The following OC90 variants were observed in gnomAD, a reference collection of about 807,000 sequenced individuals.
OC90 encodes the protein otoconin-90.
A neutral mutation model predicts 47.3 loss-of-function variants in OC90; 46 were observed. The ratio of observed to expected loss-of-function variants is 0.97; its 90% confidence interval spans 0.77 to 1.24. OC90 has a LOEUF of 1.24. Ranked by LOEUF, OC90 falls within the 50% of genes most tolerant of loss-of-function variation. The pLI, the probability that OC90 is intolerant of heterozygous loss-of-function variation, is 0.00. For missense variants in OC90, 688 were observed against 583.9 expected (o/e 1.18, Z -1.84); for synonymous variants, 271 against 219.5 (o/e 1.23, Z -2.07).
chr8:132,053,080 C>T (rs576126209), intron 2 of OC90, among the ~76,000 whole-genome samples: 1 of 152,208 alleles, frequency 6.6e-6, no homozygotes, highest in Admixed American at 6.5e-5. Context: ...GCCTGGGATG[C>T]CTTCCCCTTG....
chr8:132,036,672 G>C (rs1239185767), intron 9 of OC90, among the ~76,000 whole-genome samples: 4 of 152,234 alleles, frequency 2.6e-5, no homozygotes, highest in South Asian at 4.1e-4. Flanking sequence ...ATTTCCCTGA[G>C]GTTTGGAACA....
At chr8:132,028,284 A>T (rs1286189919) in intron 13 of OC90, among the ~76,000 whole-genome samples, 2 of 152,046 alleles carry the variant, frequency 1.3e-5, no homozygotes, top group Non-Finnish European at 2.9e-5. Context: ...TGGGCAGATC[A>T]CAAGGTCAGG....
chr8:132,049,015 C>T (rs1039046344), intron 2 of OC90, among the ~76,000 whole-genome samples: 3 of 151,476 alleles, frequency 2.0e-5, no homozygotes, highest in Non-Finnish European at 2.9e-5. Flanking sequence ...TGAATTTGCT[C>T]CCCAAGATAA....
chr8:132,028,990 G>A lies in OC90; in HGVS notation c.1138+83C>T, dbSNP rs1443721286. On this transcript the variant is annotated intron_variant, in intron 13 of 13. Transcript: ENST00000254627. ...GTATTAAGTCACAGTTAAGTGCTTG[G>A]GAAACCATCCACAAGTCTGAGCTAC... The A allele has an allele frequency of 1.1e-5, 10 of 927,484 alleles. No homozygotes were observed. In the African/African-American group the frequency reaches 1.6e-4, roughly 15 times the overall value. The allele number at this position is 927,484 out of a possible 1,614,324, so 57.5% of individuals were successfully genotyped here.
chr8:132,029,971 C>CTT (rs1224352789), intron 12 of OC90, among the ~76,000 whole-genome samples: 1 of 152,192 alleles, frequency 6.6e-6, no homozygotes, highest in Admixed American at 6.5e-5. Flanking sequence ...GTCGTAGGCT[C>CTT]TTGTGGCTTT....
intron 2 of OC90, among the ~76,000 whole-genome samples, chr8:132,053,465 A>C (rs1381138862): frequency 2.0e-5 from 3 of 152,234 alleles, no homozygotes; most frequent in Admixed American, 2.0e-4. Flanking sequence ...GGCCTGCTAG[A>C]ATCAGAGAAT....
At position 132,055,076 on chromosome 8, in the gene OC90, G is replaced by C. The variant is rs1823264222; in HGVS notation, c.-47-3C>G. On this transcript the variant is annotated splice_region_variant and splice_polypyrimidine_tract_variant and intron_variant, in intron 1 of 13. Coordinates refer to ENST00000254627, the MANE Select transcript of OC90 (RefSeq NM_001080399.3). Reference sequence around the variant, plus strand: ...TAGGCAGCAACTGGAACGGACTCCTGGGAGAGAAGCCAGCAGAATAGGATG... The same window carrying C: ...TAGGCAGCAACTGGAACGGACTCCTCGGAGAGAAGCCAGCAGAATAGGATG... 1 of 1,451,564 alleles carries C rather than the reference G, an allele frequency of 6.9e-7. No individual in the cohort carries two copies. The highest frequency in any genetic ancestry group is 2.0e-5 in the Admixed American group (1 of 49,612). 89.9% of individuals were successfully genotyped at this position (1,451,564 alleles called of 1,614,324 possible).
At chr8:132,042,653 A>G (rs1222994796) in intron 4 of OC90, among the ~76,000 whole-genome samples, 1 of 152,184 alleles carries the variant, frequency 6.6e-6, no homozygotes, top group Non-Finnish European at 1.5e-5. Context: ...TTCTTGCATT[A>G]AGTCACTTAG....
intron 13 of OC90, among the ~76,000 whole-genome samples, chr8:132,028,826 AAAG>A (rs1454508001): frequency 6.7e-6 from 1 of 148,200 alleles, no homozygotes; most frequent in Non-Finnish European, 1.5e-5. Context: ...AAAGAAAAAG[AAAG>A]AAAGAAAGAA....
chr8:132,054,859 A>C (rs1823261146), intron 2 of OC90, 122 bp downstream of exon 2: 2 of 563,592 alleles, frequency 3.5e-6, no homozygotes, highest in African/African-American at 3.8e-5. Flanking sequence ...TTTTATAGAA[A>C]GATAAGGACA....
intron 13 of OC90, among the ~76,000 whole-genome samples, chr8:132,028,706 C>CATAA (rs1822817159): frequency 8.9e-6 from 1 of 112,974 alleles, no homozygotes; most frequent in African/African-American, 3.4e-5. Context: ...GAAAGAGAGA[C>CATAA]AGAAAGAAAG....
In OC90 at chr8:132,039,094, A is replaced by T. The variant is rs1283116556; in HGVS notation, c.487T>A (p.Cys163Ser). Residue 163 changes from cysteine to serine, a missense_variant, in exon 7 of 14, where the codon TGT (cysteine) becomes AGT (serine). Transcript: ENST00000254627. ...ESKDNCEHLL[C>S]TCDKAAIECL... ...TCTATGGCAGCCTTATCACAGGTAC[A>T]CAGCAGGTGCTCACAGTTGTCCTTG... 1.2e-6 allele frequency: 2 copies of T among 1,612,500 alleles called. No homozygotes were observed. The highest frequency in any genetic ancestry group is 1.7e-6 in the Non-Finnish European group (2 of 1,179,312).
chr8:132,031,173 C>T (rs1043793131), intron 12 of OC90, among the ~76,000 whole-genome samples: 2 of 152,144 alleles, frequency 1.3e-5, no homozygotes, highest in Non-Finnish European at 2.9e-5. Context: ...TTGGGTAGTA[C>T]TTTTGTTTAA....
At chr8:132,054,367 A>T (rs562195120) in intron 2 of OC90, among the ~76,000 whole-genome samples, 2 of 152,072 alleles carry the variant, frequency 1.3e-5, no homozygotes, top group Non-Finnish European at 2.9e-5. Context: ...TTGCCACTCC[A>T]TGTTTTTCCT....
chr8:132,046,506 T>C (rs1339820196), intron 2 of OC90, among the ~76,000 whole-genome samples: 1 of 152,164 alleles, frequency 6.6e-6, no homozygotes, highest in African/African-American at 2.4e-5. Flanking sequence ...AGTGTCCTAG[T>C]ACTACCAGTA....
At position 132,054,982 on chromosome 8, in the gene OC90, G is replaced by C; in HGVS notation, c.45C>G (p.Ala15=). Residue 15 remains alanine, a splice_region_variant and synonymous_variant, in exon 2 of 14, where the codon GCC becomes GCG. Coordinates refer to ENST00000254627, the MANE Select transcript of OC90 (RefSeq NM_001080399.3). ...LLTSVLMIPH[A]GGHPLDTPHL... ...ATGGTGTAAGATATCATTACTCACC[G>C]GCATGGGGGATCATCAGCACACTGG... 1 of 1,548,532 alleles carries C rather than the reference G, an allele frequency of 6.5e-7. No homozygotes were observed. The highest frequency in any genetic ancestry group is 8.7e-7 in the Non-Finnish European group (1 of 1,145,314).
intron 2 of OC90, among the ~76,000 whole-genome samples, chr8:132,047,609 A>AT (rs1273299338): frequency 6.7e-6 from 1 of 149,986 alleles, no homozygotes; most frequent in Admixed American, 6.7e-5. Context: ...TGAAAAGACT[A>AT]TTTTAAATCT....
intron 2 of OC90, among the ~76,000 whole-genome samples, chr8:132,046,529 C>T (rs1050370337): frequency 1.3e-5 from 2 of 152,154 alleles, no homozygotes; most frequent in African/African-American, 4.8e-5. Flanking sequence ...CAAATACAAC[C>T]ACCACCTTCA....
chr8:132,041,077 C>T lies in OC90; in HGVS notation c.424G>A (p.Glu142Lys). The T allele has an allele frequency of 6.2e-7, 1 of 1,612,296 alleles. No homozygotes were observed. Among genetic ancestry groups the T allele is most frequent in the South Asian group, 1.1e-5 (1 of 91,052 alleles). Residue 142 changes from glutamate to lysine, a missense_variant, in exon 6 of 14, where the codon GAG becomes AAG. By Grantham distance (56) the Glu-to-Lys change is moderately conservative (BLOSUM62 1). Transcript: ENST00000254627. Reference protein sequence around the residue: ...CLQDPAKLSTEVNCVSKKIIC... With the variant: ...CLQDPAKLSTKVNCVSKKIIC... ...ATCTTCTTGCTGACACAATTGACCT[C>T]TGTGCTAAGTTTGGCGGGGTCTTGG...
Sources: gnomAD v4.1 joint callset for allele counts (sites outside exome capture counted in the v4.1 genomes callset) on GRCh38, gnomAD v4.1.1 for gene constraint, MANE v1.5 for transcripts, NCBI Gene and HGNC (gene_info 2026-07-23, HGNC 2026-07-21) for gene names.